Variants in SMIM3 observed in about 807,000 individuals in gnomAD.
SMIM3 encodes small integral membrane protein 3, also known as NGF-induced differentiation clone 67 protein.
A neutral mutation model predicts 2.1 loss-of-function variants in SMIM3; 4 were observed. The observed-to-expected ratio is 1.89, with a 90% confidence interval of 0.93 to 4.31. The LOEUF (loss-of-function observed/expected upper bound fraction) is 4.31. SMIM3 is among the 30% of genes most tolerant of loss of function. The pLI is 0.01. For synonymous variants in SMIM3, 29 were observed against 30.8 expected (o/e 0.94, Z 0.19); for missense variants, 79 against 77.7 (o/e 1.02, Z -0.06).
chr5:150,783,228 G>A (rs1753254713), intron 1 of SMIM3, among the ~76,000 whole-genome samples: 1 of 152,204 alleles, frequency 6.6e-6, no homozygotes, highest in Non-Finnish European at 1.5e-5. Context: ...AGGTTCCCCA[G>A]GCTACAAAGT....
At chr5:150,794,133 C>T (rs1381838747) in intron 1 of SMIM3, among the ~76,000 whole-genome samples, 1 of 152,122 alleles carries the variant, frequency 6.6e-6, no homozygotes, top group African/African-American at 2.4e-5. Flanking sequence ...CCACCTTAAT[C>T]CTGCAAGAAT....
At chr5:150,784,491 A>C (rs1753270192) in intron 1 of SMIM3, among the ~76,000 whole-genome samples, 1 of 152,106 alleles carries the variant, frequency 6.6e-6, no homozygotes, top group Admixed American at 6.5e-5. Flanking sequence ...CTCCCACTAT[A>C]ATTGCAGATT....
chr5:150,781,726 GGCA>G (rs1753235320), intron 1 of SMIM3, among the ~76,000 whole-genome samples: 1 of 152,076 alleles, frequency 6.6e-6, no homozygotes, highest in Non-Finnish European at 1.5e-5. Flanking sequence ...ATTGAGGCAA[GGCA>G]CTACCACCGC....
At chr5:150,781,852 G>T (rs1753237465) in intron 1 of SMIM3, among the ~76,000 whole-genome samples, 1 of 152,228 alleles carries the variant, frequency 6.6e-6, no homozygotes, top group Non-Finnish European at 1.5e-5. Context: ...TAGCAATGAT[G>T]GATAGTAGTG....
At chr5:150,784,704 C>A (rs1753272134) in intron 1 of SMIM3, among the ~76,000 whole-genome samples, 1 of 152,104 alleles carries the variant, frequency 6.6e-6, no homozygotes, top group African/African-American at 2.4e-5. Context: ...CCCCATGTGT[C>A]TCTTATAAAA....
intron 1 of SMIM3, among the ~76,000 whole-genome samples, chr5:150,791,446 T>C (rs140850557): frequency 8.8e-4 from 134 of 152,254 alleles, no homozygotes; most frequent in African/African-American, 3.1e-3. Context: ...CCAGAGGCTT[T>C]GCTTTCTGCT....
intron 1 of SMIM3, among the ~76,000 whole-genome samples, chr5:150,792,277 A>T (rs1753356611): frequency 6.6e-6 from 1 of 152,212 alleles, no homozygotes; most frequent in African/African-American, 2.4e-5. Flanking sequence ...CCTGCAGGAG[A>T]TAGTTCCAGC....
chr5:150,785,770 A>G (rs1191845317), intron 1 of SMIM3, among the ~76,000 whole-genome samples: 1 of 151,496 alleles, frequency 6.6e-6, no homozygotes, highest in African/African-American at 2.4e-5. Context: ...TTTAGTAGAG[A>G]CAGGGTTTCA....
chr5:150,781,086 A>G (rs1383582096), intron 1 of SMIM3, among the ~76,000 whole-genome samples: 1 of 152,204 alleles, frequency 6.6e-6, no homozygotes, highest in Non-Finnish European at 1.5e-5. Flanking sequence ...CCTCCATTTT[A>G]TGGATGAGGA....
At chr5:150,782,268 T>C (rs1293228450) in intron 1 of SMIM3, among the ~76,000 whole-genome samples, 3 of 152,226 alleles carry the variant, frequency 2.0e-5, no homozygotes, top group African/African-American at 7.2e-5. Context: ...GCTGGGTTGG[T>C]AAATGTTTGA....
rs567564103 is a variant in SMIM3, at chr5:150,783,849, A to G, written c.-12+4877A>G. Among the ~76,000 whole-genome samples, 11 of 150,974 alleles carry G rather than the reference A, an allele frequency of 7.3e-5. No individual in the cohort carries two copies. The South Asian group carries it at 1.9e-3, about 26-fold the overall frequency. ...AAAACTTTTCACTGTGGTTTCCTAC[A>G]TTGGGCCCAGATCAGTCACGAAGCA... On this transcript the variant is annotated intron_variant, in intron 1 of 1. Coordinates refer to ENST00000526627, the MANE Select transcript of SMIM3 (RefSeq NM_032947.5).
chr5:150,785,961 T>C (rs928084402), intron 1 of SMIM3, among the ~76,000 whole-genome samples: 3 of 152,204 alleles, frequency 2.0e-5, no homozygotes, highest in Non-Finnish European at 4.4e-5. Flanking sequence ...AGTATGCAAA[T>C]TGGTGTCTTT....
At chr5:150,790,220 G>T (rs1042247376) in intron 1 of SMIM3, among the ~76,000 whole-genome samples, 1 of 152,088 alleles carries the variant, frequency 6.6e-6, no homozygotes, top group African/African-American at 2.4e-5. Context: ...GATGAGCCCC[G>T]AAGCCTGAGT....
rs35273478 is a variant in SMIM3 at position 150,785,580 on chromosome 5, C to CTTT, written c.-12+6626_-12+6628dup. On this transcript the variant is annotated intron_variant, in intron 1 of 1. Coordinates refer to ENST00000526627, the MANE Select transcript of SMIM3 (RefSeq NM_032947.5). ...TCAGCAGATTTACTATATTTCTTTT[C>CTTT]TTTTTTTTTTTTTTTTTTTTGAAAT... is the stretch of plus-strand genomic sequence containing the variant. 2.5e-3 allele frequency among the ~76,000 whole-genome samples: 279 copies of CTTT among 113,638 alleles called. 13 individuals carry two copies. Among genetic ancestry groups the CTTT allele is most frequent in the African/African-American group, 7.1e-3 (238 of 33,342 alleles). 74.6% of individuals were successfully genotyped at this position (113,638 alleles called of 152,430 possible).
chr5:150,784,417 T>C (rs1031958003), intron 1 of SMIM3, among the ~76,000 whole-genome samples: 6 of 152,202 alleles, frequency 3.9e-5, no homozygotes, highest in African/African-American at 1.4e-4. Flanking sequence ...CTGGGCTTTG[T>C]TGATAACATC....
intron 1 of SMIM3, among the ~76,000 whole-genome samples, chr5:150,791,447 G>T (rs966451477): frequency 6.6e-6 from 1 of 151,924 alleles, no homozygotes; most frequent in Non-Finnish European, 1.5e-5. Context: ...CAGAGGCTTT[G>T]CTTTCTGCTT....
intron 1 of SMIM3, among the ~76,000 whole-genome samples, chr5:150,779,829 A>ACAC (rs1753212790): frequency 3.6e-5 from 4 of 111,020 alleles, no homozygotes; most frequent in Non-Finnish European, 5.7e-5. Flanking sequence ...GAAAGGTGTA[A>ACAC]CCCCCCCCGC....
At position 150,784,021 on chromosome 5, in the gene SMIM3, C is replaced by T. The variant is rs1447970007; in HGVS notation, c.-12+5049C>T. Among the ~76,000 whole-genome samples, 17 of 149,312 alleles carry T rather than the reference C, an allele frequency of 1.1e-4. No individual in the cohort carries two copies. In the Admixed American group the frequency reaches 1.1e-3, roughly 10 times the overall value. Reference sequence around the variant, plus strand: ...GCAACCTCCACCTCCTGGGTTCAAGCGATTTTCCTGCCTCAGCCTCCCGAG... The same window carrying T: ...GCAACCTCCACCTCCTGGGTTCAAGTGATTTTCCTGCCTCAGCCTCCCGAG... On this transcript the variant is annotated intron_variant, in intron 1 of 1. Coordinates refer to ENST00000526627, the MANE Select transcript of SMIM3 (RefSeq NM_032947.5).
chr5:150,779,376 T>A (rs1450542992), intron 1 of SMIM3, among the ~76,000 whole-genome samples: 3 of 152,146 alleles, frequency 2.0e-5, no homozygotes, highest in Non-Finnish European at 4.4e-5. Context: ...CCTGAGCACC[T>A]GCTTGGGCGC....
Sources: allele counts gnomAD v4.1 joint callset (sites outside exome capture counted in the v4.1 genomes callset), GRCh38; gene constraint gnomAD v4.1.1; transcripts MANE v1.5; gene names NCBI Gene and HGNC (gene_info 2026-07-23, HGNC 2026-07-21).